Variants in DNAH8 observed in about 807,000 individuals in gnomAD.
DNAH8 encodes dynein axonemal heavy chain 8.
A neutral mutation model predicts 562.1 loss-of-function variants in DNAH8; 382 were observed. The observed-to-expected ratio is 0.68, with a 90% CI of 0.63 to 0.74. The LOEUF is 0.74. Ranked by LOEUF, DNAH8 falls within the 30% of genes least tolerant of loss-of-function variation. DNAH8 has a pLI of 0.00. For synonymous variants in DNAH8, 1,881 were observed against 1,919.4 expected (o/e 0.98, Z 0.52); for missense variants, 5,203 against 5,620.4 (o/e 0.93, Z 2.37).
At chr6:39,026,948 C>T (rs116504321) in intron 92 of DNAH8, among the ~76,000 whole-genome samples, 5,847 of 152,202 alleles carry the variant, frequency 0.038, 209 homozygotes, top group East Asian at 0.16. Flanking sequence ...TGGCCAAGTG[C>T]GGTGGCTCAT....
intron 88 of DNAH8, among the ~76,000 whole-genome samples, chr6:39,000,833 C>A (rs1052240206): frequency 6.6e-6 from 1 of 152,186 alleles, no homozygotes; most frequent in Non-Finnish European, 1.5e-5. Context: ...CAAAACCAGT[C>A]CCTGGTGCCA....
intron 21 of DNAH8, among the ~76,000 whole-genome samples, chr6:38,792,504 C>T (rs189300769): frequency 1.7e-3 from 255 of 152,276 alleles, no homozygotes; most frequent in African/African-American, 5.1e-3. Context: ...CAACTGGTCT[C>T]GCTGCTTCCA....
intron 3 of DNAH8, among the ~76,000 whole-genome samples, chr6:38,723,681 C>T (rs925448295): frequency 1.3e-5 from 2 of 151,992 alleles, no homozygotes; most frequent in African/African-American, 4.8e-5. Context: ...TTGAGACTAG[C>T]TTGGGCAACA....
chr6:38,915,118 A>T, intron 67 of DNAH8, 83 bp from the exon 68 acceptor site: 1 of 1,183,052 alleles, frequency 8.5e-7, no homozygotes, highest in South Asian at 1.5e-5. Context: ...ATTATGTTGA[A>T]TAAATATTTG....
Position 38,926,116 on chromosome 6 carries a change from T to C in DNAH8, c.11024T>C (p.Ile3675Thr), listed in dbSNP as rs1205184659. The C allele has an allele frequency of 6.2e-7, 1 of 1,613,824 alleles. No homozygotes were observed. The change falls in exon 74 of 93, where the codon ATT becomes ACT. Residue 3675 changes from isoleucine (I) to threonine (T), a missense_variant. Physicochemically the swap from Ile to Thr is moderately conservative, Grantham distance 89 (BLOSUM62 -1). Around this residue, in one of 6 missense-constraint regions of DNAH8, gnomAD observed 1,399 missense variants for 1,518.4 expected, o/e 0.92. Coordinates refer to ENST00000327475, the MANE Select transcript of DNAH8 (RefSeq NM_001206927.2). The part of the protein sequence containing the change: ...GDDLSIQNGI[I>T]VTKATRYPLL... ...GATCTCTCAATTCAGAATGGCATTA[T>C]TGTGACAAAGGCCACCAGATACCCA...
intron 3 of DNAH8, among the ~76,000 whole-genome samples, chr6:38,726,942 C>T (rs1763273963): frequency 1.3e-5 from 2 of 149,568 alleles, no homozygotes; most frequent in South Asian, 4.3e-4. Flanking sequence ...ACTGTAATCT[C>T]CACCTCCCAG....
At chr6:38,744,362 G>A (rs1764757206) in intron 8 of DNAH8, 1 of 151,932 alleles carries the variant, frequency 6.6e-6, no homozygotes, top group African/African-American at 2.4e-5. Flanking sequence ...TCCAGGCTGG[G>A]CAATGTAGCG....
chr6:38,816,208 A>G (rs979120337), intron 26 of DNAH8, among the ~76,000 whole-genome samples: 4 of 151,954 alleles, frequency 2.6e-5, no homozygotes, highest in African/African-American at 7.3e-5. Context: ...TGCATTAGCT[A>G]TTTTTCCTGA....
chr6:38,909,155 T>C (rs1780695162), intron 64 of DNAH8, among the ~76,000 whole-genome samples: 1 of 152,210 alleles, frequency 6.6e-6, no homozygotes, highest in African/African-American at 2.4e-5. Context: ...TTTGCAAGGC[T>C]GTCTAAGTTG....
At chr6:38,949,002 C>T (rs1197379859) in intron 80 of DNAH8, among the ~76,000 whole-genome samples, 1 of 152,074 alleles carries the variant, frequency 6.6e-6, no homozygotes, top group Admixed American at 6.5e-5. Context: ...TCTACCCACC[C>T]CCAGGGGCAT....
At chr6:39,014,287 T>C (rs1035160646) in intron 91 of DNAH8, among the ~76,000 whole-genome samples, 1 of 152,208 alleles carries the variant, frequency 6.6e-6, no homozygotes, top group Non-Finnish European at 1.5e-5. Context: ...GGGAGGAACA[T>C]TTTTTATTAT....
Position 38,935,690 on chromosome 6 carries a change from T to C in DNAH8, c.11556T>C (p.Ala3852=). The C allele has an allele frequency of 1.2e-6, 2 of 1,600,106 alleles. No homozygotes were observed. Among genetic ancestry groups the C allele is most frequent in the Non-Finnish European group, 1.7e-6 (2 of 1,170,464 alleles). ...ATAACCTCCTCTATAAATTAAGTGC[T>C]ACAAAAGGTATTGTGTTATTAAGAA... ...LEDNLLYKLS[A]TKGSLVDDES... is the part of the protein sequence containing the mutation. The change falls in exon 77 of 93, where the codon GCT becomes GCC. Residue 3852 remains alanine, a synonymous_variant. Transcript: ENST00000327475.
chr6:38,770,282 G>T, intron 11 of DNAH8, 131 bp from the exon 12 acceptor site: 1 of 444,072 alleles, frequency 2.3e-6, no homozygotes, highest in Non-Finnish European at 3.6e-6. Flanking sequence ...TGAAAATATG[G>T]TATAAATAAA....
rs1777615975 is a variant in DNAH8 at position 38,873,310 on chromosome 6, A to G, written c.7554A>G (p.Thr2518=). The change falls in exon 52 of 93, where the codon ACA becomes ACG. Residue 2518 remains threonine (T), a synonymous_variant. Transcript: ENST00000327475. ...LTLYEKVFED[T]YTYMKLNLNP... is the part of the protein sequence containing the mutation. Reference sequence around the variant, plus strand: ...TGTATGAGAAAGTCTTTGAAGATACATACACATATATGAAGCTAAATCTCA... The same window carrying G: ...TGTATGAGAAAGTCTTTGAAGATACGTACACATATATGAAGCTAAATCTCA... 4 of 1,613,794 alleles carry G rather than the reference A, an allele frequency of 2.5e-6. No individual in the cohort carries two copies. Among genetic ancestry groups the G allele is most frequent in the Non-Finnish European group, 1.7e-6 (2 of 1,179,926 alleles).
At chr6:38,787,765 G>A (rs1202916896) in intron 18 of DNAH8, among the ~76,000 whole-genome samples, 1 of 149,360 alleles carries the variant, frequency 6.7e-6, no homozygotes, top group African/African-American at 2.5e-5. Flanking sequence ...TTCAAAGGTC[G>A]AATCAAAGTA....
At chr6:38,853,990 C>T (rs545084862) in intron 41 of DNAH8, among the ~76,000 whole-genome samples, 1 of 151,134 alleles carries the variant, frequency 6.6e-6, no homozygotes, top group East Asian at 2.0e-4. Context: ...TAAGTTGTAC[C>T]ATTGAAAGTT....
At chr6:38,722,393 A>G (rs1389530791) in intron 1 of DNAH8, among the ~76,000 whole-genome samples, 1 of 152,008 alleles carries the variant, frequency 6.6e-6, no homozygotes, top group Admixed American at 6.6e-5. Context: ...GCAGTGATCT[A>G]CAGTCTGTCC....
intron 88 of DNAH8, among the ~76,000 whole-genome samples, chr6:39,003,912 C>T (rs1765637823): frequency 6.6e-6 from 1 of 152,064 alleles, no homozygotes; most frequent in African/African-American, 2.4e-5. Context: ...TTACGCCACT[C>T]TTTCTATGTT....
At chr6:38,756,109 C>A in intron 10 of DNAH8, 30 bp downstream of exon 10, 3 of 1,340,364 alleles carry the variant, frequency 2.2e-6, no homozygotes, top group South Asian at 1.2e-5. Flanking sequence ...AATTACATGT[C>A]ATCCTGTGAA....
Sources: gnomAD v4.1 joint callset for allele counts (sites outside exome capture counted in the v4.1 genomes callset) on GRCh38, gnomAD v4.1.1 for gene constraint, gnomAD v4.1.1 regional missense constraint, MANE v1.5 for transcripts, NCBI Gene and HGNC (gene_info 2026-07-23, HGNC 2026-07-21) for gene names.